Variants in ATRN observed in about 807,000 individuals in gnomAD.
ATRN encodes the protein attractin-2.
A neutral mutation model predicts 178.7 loss-of-function variants in ATRN; 54 were observed. The observed-to-expected ratio is 0.30, with a 90% CI of 0.24 to 0.38. The LOEUF (loss-of-function observed/expected upper bound fraction) is 0.38, where lower values mean the gene tolerates loss of function less well. Ranked by LOEUF, ATRN falls within the 10% of genes least tolerant of loss-of-function variation. ATRN has a pLI of 1.00. For synonymous variants in ATRN, 636 were observed against 663.0 expected, an observed-to-expected ratio of 0.96 and a Z score of 0.63; for missense variants, 1,443 against 1,815.1, an observed-to-expected ratio of 0.79 and a Z score of 3.73.
chr20:3,542,545 TCCCCTTC>T (rs1287403066), intron 3 of ATRN, among the ~76,000 whole-genome samples: 7 of 148,288 alleles, frequency 4.7e-5, no homozygotes, highest in Non-Finnish European at 7.5e-5. Flanking sequence ...GAGGAACCCT[TCCCCTTC>T]CCCCTTCCAC....
At chr20:3,592,997 G>T (rs544260101) in intron 19 of ATRN, among the ~76,000 whole-genome samples, 1 of 152,210 alleles carries the variant, frequency 6.6e-6, no homozygotes, top group African/African-American at 2.4e-5. Flanking sequence ...TAACAGAGTG[G>T]TGGAGTGTAC....
rs536320800 is a variant in ATRN, at chr20:3,638,412, T to G, written c.3943-416T>G. ...GTTTTCTGTTCCTGTGTTGGTTTGC[T>G]GAGACTGATGGCTTCCAGCTTCATC... On this transcript the variant is annotated intron_variant, in intron 26 of 28. Coordinates refer to ENST00000262919, the MANE Select transcript of ATRN (RefSeq NM_139321.3). The surrounding 1 kb of genome is among the most constrained non-coding windows in gnomAD (Gnocchi z 4.5). 3.9e-5 allele frequency among the ~76,000 whole-genome samples: 6 copies of G among 152,324 alleles called. No homozygotes were observed. The highest frequency in any genetic ancestry group is 1.4e-4 in the African/African-American group (6 of 41,566).
chr20:3,479,913 T>C (rs1376134908), intron 1 of ATRN, among the ~76,000 whole-genome samples: 1 of 152,178 alleles, frequency 6.6e-6, no homozygotes, highest in African/African-American at 2.4e-5. Flanking sequence ...GATGAACGAG[T>C]ATGACATCAT....
intron 1 of ATRN, among the ~76,000 whole-genome samples, chr20:3,521,310 C>T (rs1410273525): frequency 6.6e-6 from 1 of 151,772 alleles, no homozygotes; most frequent in Non-Finnish European, 1.5e-5. Context: ...AACCTGCACA[C>T]ATACCCCTGA....
At chr20:3,563,417 G>A (rs1178377112) in intron 10 of ATRN, 54 bp downstream of exon 10, 3 of 1,545,002 alleles carry the variant, frequency 1.9e-6, no homozygotes, top group South Asian at 2.5e-5. Context: ...TATACTATAA[G>A]CAGCATTTAA....
At chr20:3,505,993 C>T (rs1247532119) in intron 1 of ATRN, among the ~76,000 whole-genome samples, 1 of 152,094 alleles carries the variant, frequency 6.6e-6, no homozygotes, top group African/African-American at 2.4e-5. Flanking sequence ...TATTCAGTAT[C>T]TTGACTGTGG....
chr20:3,592,651 C>G (rs1193722450), intron 19 of ATRN, among the ~76,000 whole-genome samples: 5 of 152,126 alleles, frequency 3.3e-5, no homozygotes, highest in African/African-American at 1.2e-4. Context: ...ATCCCAACTC[C>G]AAACTCTTTG....
chr20:3,497,975 C>T (rs553523103), intron 1 of ATRN, among the ~76,000 whole-genome samples: 4 of 151,948 alleles, frequency 2.6e-5, no homozygotes, highest in South Asian at 2.1e-4. Flanking sequence ...ATCAAATAGA[C>T]GCAATAAAAA....
At chr20:3,555,229 T>C (rs2085858387) in intron 6 of ATRN, among the ~76,000 whole-genome samples, 1 of 151,788 alleles carries the variant, frequency 6.6e-6, no homozygotes, top group Non-Finnish European at 1.5e-5. Context: ...GGTCTCGATC[T>C]CCTGACCTCG....
intron 1 of ATRN, among the ~76,000 whole-genome samples, chr20:3,508,428 T>C (rs900242847): frequency 1.3e-5 from 2 of 152,202 alleles, no homozygotes; most frequent in Non-Finnish European, 2.9e-5. Context: ...TCTGCATTGT[T>C]GCATGAAAGC....
At chr20:3,530,609 G>A (rs1210827454) in intron 1 of ATRN, among the ~76,000 whole-genome samples, 1 of 151,792 alleles carries the variant, frequency 6.6e-6, no homozygotes, top group Non-Finnish European at 1.5e-5. Context: ...ATCAGAATTA[G>A]GTCTAGTAGA....
intron 20 of ATRN, 92 bp from the exon 21 acceptor site, chr20:3,596,285 C>T: frequency 7.7e-7 from 1 of 1,305,132 alleles, no homozygotes; most frequent in Non-Finnish European, 1.1e-6. Flanking sequence ...TCCAGACTAT[C>T]TGTACTTTAT....
At chr20:3,573,040 TTA>T in intron 12 of ATRN, 89 bp downstream of exon 12, 1 of 1,180,620 alleles carries the variant, frequency 8.5e-7, no homozygotes, top group Non-Finnish European at 1.2e-6. Context: ...TGTATACTTT[TTA>T]TGTTTACCTT....
intron 2 of ATRN, among the ~76,000 whole-genome samples, chr20:3,537,238 G>A (rs2085547365): frequency 6.6e-6 from 1 of 152,180 alleles, no homozygotes; most frequent in Non-Finnish European, 1.5e-5. Context: ...ATCTTTGGCA[G>A]CAAATACTGT....
chr20:3,553,931 G>A (rs568682631), intron 6 of ATRN, among the ~76,000 whole-genome samples: 2 of 152,268 alleles, frequency 1.3e-5, no homozygotes, highest in East Asian at 3.9e-4. Context: ...TGTTGTACTT[G>A]CTCTTTGTCT....
rs199826512 is a variant in ATRN at position 3,568,303 on chromosome 20, AGAG to A, written c.1871+2872_1871+2874del. On this transcript the variant is annotated intron_variant, in intron 11 of 28. Transcript: ENST00000262919. ...CGAGACTGTGTCAAAAAAAAAAAAA[AGAG>A]AAAGAAACCTTATATTAATTTTTTA... Among the ~76,000 whole-genome samples, 1,024 of 149,370 alleles carry A rather than the reference AGAG, an allele frequency of 6.9e-3. 3 individuals carry two copies. Among genetic ancestry groups the A allele is most frequent in the Non-Finnish European group, 0.01 (705 of 67,322 alleles).
intron 1 of ATRN, among the ~76,000 whole-genome samples, chr20:3,511,634 G>A (rs1223022960): frequency 6.6e-6 from 1 of 152,078 alleles, no homozygotes; most frequent in Non-Finnish European, 1.5e-5. Context: ...TGTACCAGAG[G>A]TGATTGATTA....
chr20:3,645,981 G>C lies in ATRN; in HGVS notation c.4166-742G>C, dbSNP rs796782218. The stretch of plus-strand genomic sequence containing the variant: ...AGTCCCCAAAGCAAAGTGGGCGGCG[G>C]GGCAGTGATGAGCATAAAGGGTAGT... On this transcript the variant is annotated intron_variant, in intron 28 of 28. Coordinates refer to ENST00000262919, the MANE Select transcript of ATRN (RefSeq NM_139321.3). This position sits in a 1 kb window ranked among gnomAD's most constrained non-coding sequence, Gnocchi z 4.7. Among the ~76,000 whole-genome samples the C allele has an allele frequency of 6.6e-6, 1 of 152,174 alleles. No individual in the cohort carries two copies. The highest frequency in any genetic ancestry group is 1.5e-5 in the Non-Finnish European group (1 of 68,042).
Position 3,582,294 on chromosome 20 carries a change from C to T in ATRN, c.2704C>T (p.Arg902Trp), listed in dbSNP as rs749027055. ...TGGAATTTTATCAGAACCCAGTACT[C>T]GGGGACTGAAGGCTGCAACCTGCAT... is the stretch of plus-strand genomic sequence containing the variant. ...FCGILSEPST[R>W]GLKAATCINP... The change falls in exon 16 of 29, where the codon CGG (arginine) becomes TGG (tryptophan). Residue 902 changes from arginine to tryptophan, a missense_variant. By Grantham distance (101) the Arg-to-Trp change is moderately radical. Transcript: ENST00000262919. 1.1e-5 allele frequency: 18 copies of T among 1,612,626 alleles called. No homozygotes were observed. The highest frequency in any genetic ancestry group is 1.1e-4 in the East Asian group (5 of 44,876).
Sources: allele counts gnomAD v4.1 joint callset (sites outside exome capture counted in the v4.1 genomes callset), GRCh38; gene constraint gnomAD v4.1.1; non-coding constraint Gnocchi (gnomAD v3.1); transcripts MANE v1.5; gene names NCBI Gene and HGNC (gene_info 2026-07-23, HGNC 2026-07-21).